Variants in PPP4C observed in about 807,000 individuals in gnomAD.
The protein encoded by PPP4C is serine/threonine-protein phosphatase 4 catalytic subunit.
Under a neutral mutation model 40.5 loss-of-function variants are expected in PPP4C, and 10 were observed. The ratio of observed to expected loss-of-function variants is 0.25; its 90% CI spans 0.15 to 0.42. The LOEUF is 0.42. Among genes scored for constraint, PPP4C ranks in the 10% least tolerant of loss-of-function variants. PPP4C has a pLI of 1.00. For synonymous variants in PPP4C, 187 were observed against 163.6 expected, an observed-to-expected ratio of 1.14 and a Z score of -1.09; for missense variants, 191 against 416.4, an observed-to-expected ratio of 0.46 and a Z score of 4.71.
rs1042508792 is a variant in PPP4C, at chr16:30,084,253, C to T, written c.605-413C>T. ...TCCATCACAGCCACACACACGCACACGAGGCCTCTGCTCCATCACAGCCAC... is the reference window on the plus strand; with the variant it reads ...TCCATCACAGCCACACACACGCACATGAGGCCTCTGCTCCATCACAGCCAC... On this transcript the variant is annotated intron_variant, in intron 7 of 8. Coordinates refer to ENST00000279387, the MANE Select transcript of PPP4C (RefSeq NM_002720.3). Among the ~76,000 whole-genome samples the T allele has an allele frequency of 6.0e-5, 9 of 149,244 alleles. No homozygotes were observed. In the East Asian group the frequency reaches 6.2e-4, roughly 10 times the overall value.
Position 30,084,413 on chromosome 16 carries a change from G to A in PPP4C, c.605-253G>A, listed in dbSNP as rs74767856. On this transcript the variant is annotated intron_variant, in intron 7 of 8. Transcript: ENST00000279387. Reference sequence around the variant, plus strand: ...TTTCACTCTTATGTGCTGTTTGGACGGGGATTGTATGATCACTGTGATTAT... The same window carrying A: ...TTTCACTCTTATGTGCTGTTTGGACAGGGATTGTATGATCACTGTGATTAT... Among the ~76,000 whole-genome samples, 15,971 of 152,272 alleles carry A rather than the reference G, an allele frequency of 0.1. 1,137 individuals are homozygous for A. The highest frequency in any genetic ancestry group is 0.19 in the African/African-American group (8,068 of 41,526).
intron 2 of PPP4C, among the ~76,000 whole-genome samples, chr16:30,079,378 C>T (rs1323788110): frequency 2.6e-5 from 4 of 151,952 alleles, no homozygotes; most frequent in African/African-American, 4.8e-5. Context: ...TTACTAGAGA[C>T]GGGGTTTCAC....
In PPP4C at chr16:30,076,029, C is replaced by A; in HGVS notation, c.-129C>A. 2.7e-6 allele frequency: 1 copy of A among 372,698 alleles called. No homozygotes were observed. The highest frequency in any genetic ancestry group is 4.9e-6 in the Non-Finnish European group (1 of 204,566). 23.1% of individuals were successfully genotyped at this position (372,698 alleles called of 1,614,324 possible). A position where few individuals can be genotyped will look rare whatever the true frequency, so the allele number is the denominator to read the frequency against. On this transcript the variant is annotated 5_prime_UTR_variant, in exon 1 of 9. Coordinates refer to ENST00000279387, the MANE Select transcript of PPP4C (RefSeq NM_002720.3). ...GGAGCGGCGGCGGCGGCGGCGGCGG[C>A]GGTCGAAAGCGGAGTGAAAGAGGGA...
chr16:30,083,819 G>T lies in PPP4C; in HGVS notation c.604+38G>T. On this transcript the variant is annotated intron_variant, in intron 7 of 8. Coordinates refer to ENST00000279387, the MANE Select transcript of PPP4C (RefSeq NM_002720.3). This position sits in a 1 kb window ranked among gnomAD's most constrained non-coding sequence, Gnocchi z 6.3. ...GGGCAGGGGCAGGCAGGGACAGCCA[G>T]GAGGGGTTGGGAAAGAGAGGGAGCA... The T allele has an allele frequency of 6.2e-7, 1 of 1,609,396 alleles. No individual in the cohort carries two copies. The highest frequency in any genetic ancestry group is 8.5e-7 in the Non-Finnish European group (1 of 1,178,474).
Position 30,085,149 on chromosome 16 carries a change from G to GT in PPP4C, c.*87_*88insT, listed in dbSNP as rs879794492. On this transcript the variant is annotated 3_prime_UTR_variant, in exon 9 of 9. Coordinates refer to ENST00000279387, the MANE Select transcript of PPP4C (RefSeq NM_002720.3). ...CTTCCTCAGACGGAGGCTGGGCGTGGGGGGGGCTGTCCTGGCTCTGCTGTC... is the reference window on the plus strand; with the variant it reads ...CTTCCTCAGACGGAGGCTGGGCGTGGTGGGGGGCTGTCCTGGCTCTGCTGTC... 1.6e-5 allele frequency: 25 copies of GT among 1,518,542 alleles called. No individual in the cohort carries two copies. Among genetic ancestry groups the GT allele is most frequent in the African/African-American group, 1.1e-4 (8 of 73,292 alleles). The allele number at this position is 1,518,542 out of a possible 1,614,324, so 94.1% of individuals were successfully genotyped here. A position where few individuals can be genotyped will look rare whatever the true frequency, so the allele number is the denominator to read the frequency against.
chr16:30,083,648 C>G lies in PPP4C; in HGVS notation c.478-7C>G. The G allele has an allele frequency of 6.2e-7, 1 of 1,614,164 alleles. No homozygotes were observed. The highest frequency in any genetic ancestry group is 8.5e-7 in the Non-Finnish European group (1 of 1,180,034). Reference sequence around the variant, plus strand: ...GCCCCGTCCTCTTTCCCTGCTCTCCCCTGTAGATCTTCTGCGTGCACGGGG... The same window carrying G: ...GCCCCGTCCTCTTTCCCTGCTCTCCGCTGTAGATCTTCTGCGTGCACGGGG... On this transcript the variant is annotated splice_region_variant and splice_polypyrimidine_tract_variant and intron_variant, in intron 6 of 8. Transcript: ENST00000279387. The surrounding 1 kb of genome is among the most constrained non-coding windows in gnomAD (Gnocchi z 6.3).
At chr16:30,076,255 G>A in intron 1 of PPP4C, 60 bp from the exon 2 acceptor site, 2 of 988,782 alleles carry the variant, frequency 2.0e-6, no homozygotes, top group South Asian at 3.1e-5. Flanking sequence ...CTAGAATCGA[G>A]TTGTCCGCTC....
chr16:30,081,423 C>T (rs767227941), intron 3 of PPP4C, 113 bp downstream of exon 3: 2 of 859,876 alleles, frequency 2.3e-6, no homozygotes, highest in Non-Finnish European at 3.7e-6. Flanking sequence ...TCTGTCCTTT[C>T]CCTCACCTTC....
rs751758801 is a variant in PPP4C at position 30,083,604 on chromosome 16, AG to A, written c.477+43del. 1.2e-6 allele frequency: 2 copies of A among 1,613,710 alleles called. No individual in the cohort carries two copies. Among genetic ancestry groups the A allele is most frequent in the Non-Finnish European group, 8.5e-7 (1 of 1,179,740 alleles). On this transcript the variant is annotated intron_variant, in intron 6 of 8. Coordinates refer to ENST00000279387, the MANE Select transcript of PPP4C (RefSeq NM_002720.3). This position sits in a 1 kb window ranked among gnomAD's most constrained non-coding sequence, Gnocchi z 6.3. ...CAGGGCTCCATGGGACAGGGAGAGG[AG>A]GGGGGCTTCAGGCCTCAGCCCCGTC... is the stretch of plus-strand genomic sequence containing the variant.
rs2072394111 is a variant in PPP4C at position 30,076,338 on chromosome 16, G to GGGC, written c.-33_-31dup. ...AGGAGACCCCTGTGCGGTGCGGAGGGGGCGGCGGCCCCGACTCTGACCCGC... is the reference window on the plus strand; with the variant it reads ...AGGAGACCCCTGTGCGGTGCGGAGGGGGCGGCGGCGGCCCCGACTCTGACCCGC... On this transcript the variant is annotated 5_prime_UTR_variant, in exon 2 of 9. Coordinates refer to ENST00000279387, the MANE Select transcript of PPP4C (RefSeq NM_002720.3). The GGGC allele has an allele frequency of 6.3e-7, 1 of 1,599,296 alleles. No individual in the cohort carries two copies.
chr16:30,082,572 G>T (rs1245635548), intron 4 of PPP4C, 38 bp downstream of exon 4: 2 of 1,599,974 alleles, frequency 1.3e-6, no homozygotes, highest in Admixed American at 3.3e-5. Context: ...GTAACGGGGG[G>T]ATGACTGGAA....
chr16:30,082,852 C>T lies in PPP4C; in HGVS notation c.303+5C>T, dbSNP rs780686874. The T allele has an allele frequency of 2.9e-5, 47 of 1,612,924 alleles. No individual in the cohort carries two copies. The highest frequency in any genetic ancestry group is 1.6e-4 in the Middle Eastern group (1 of 6,076). On this transcript the variant is annotated splice_donor_5th_base_variant and intron_variant, in intron 5 of 8. Transcript: ENST00000279387. Reference sequence around the variant, plus strand: ...CTCCTGCTGCTGGCACTTAAGGTGGCAGTCCCCGGCTTCTGCACCCCCAAC... The same window carrying T: ...CTCCTGCTGCTGGCACTTAAGGTGGTAGTCCCCGGCTTCTGCACCCCCAAC...
At chr16:30,080,408 C>T (rs893354901) in intron 2 of PPP4C, among the ~76,000 whole-genome samples, 5 of 150,432 alleles carry the variant, frequency 3.3e-5, no homozygotes, top group African/African-American at 1.2e-4. Context: ...ATCTCCTGCT[C>T]ACTCAAGTAG....
Position 30,082,546 on chromosome 16 carries a change from G to A in PPP4C, c.201+12G>A. 1 of 1,610,458 alleles carries A rather than the reference G, an allele frequency of 6.2e-7. No homozygotes were observed. The highest frequency in any genetic ancestry group is 8.5e-7 in the Non-Finnish European group (1 of 1,176,716). On this transcript the variant is annotated intron_variant, in intron 4 of 8. Transcript: ENST00000279387. ...AAGAGCTGTTCAGAGTAAGAGTGTG[G>A]CCAACACTGTGAAATGTAACGGGGG...
intron 2 of PPP4C, among the ~76,000 whole-genome samples, chr16:30,077,642 C>T (rs1430954476): frequency 6.6e-6 from 1 of 152,196 alleles, no homozygotes; most frequent in Non-Finnish European, 1.5e-5. Context: ...ACAGAATTAC[C>T]CTACGTTTAT....
intron 2 of PPP4C, among the ~76,000 whole-genome samples, chr16:30,078,834 G>A (rs565900198): frequency 6.6e-6 from 1 of 152,352 alleles, no homozygotes; most frequent in South Asian, 2.1e-4. Context: ...TTTTTGAAGT[G>A]ATAATGACAT....
At chr16:30,084,422 A>G (rs187001590) in intron 7 of PPP4C, among the ~76,000 whole-genome samples, 60 of 152,302 alleles carry the variant, frequency 3.9e-4, no homozygotes, top group Non-Finnish European at 7.4e-4. Context: ...CGGGGATTGT[A>G]TGATCACTGT....
At chr16:30,081,962 G>A (rs2151027101) in intron 3 of PPP4C, among the ~76,000 whole-genome samples, 2 of 152,044 alleles carry the variant, frequency 1.3e-5, no homozygotes, top group South Asian at 4.1e-4. Context: ...GGCTGAGGCA[G>A]GAGAATGACG....
At chr16:30,082,978 C>T in intron 5 of PPP4C, 131 bp downstream of exon 5, 2 of 804,580 alleles carry the variant, frequency 2.5e-6, no homozygotes, top group South Asian at 1.7e-5. Flanking sequence ...TGGACCGATT[C>T]TGCTTTTGGG....
Sources: gnomAD v4.1 joint callset for allele counts (sites outside exome capture counted in the v4.1 genomes callset) on GRCh38, gnomAD v4.1.1 for gene constraint, Gnocchi (gnomAD v3.1) non-coding constraint, MANE v1.5 for transcripts, NCBI Gene and HGNC (gene_info 2026-07-23, HGNC 2026-07-21) for gene names.